The following TBC1D5 variants were observed in gnomAD, a reference collection of about 807,000 sequenced individuals.
TBC1D5 encodes the protein TBC1 domain family, member 5.
TBC1D5 carries 75 observed loss-of-function variants against 100.3 expected under a neutral mutation model. That is an observed-to-expected ratio of 0.75 (90% CI 0.62 to 0.91). The LOEUF (loss-of-function observed/expected upper bound fraction) is 0.91. Ranked by LOEUF, TBC1D5 falls within the 40% of genes least tolerant of loss-of-function variation. TBC1D5 has a pLI of 0.00. For missense variants in TBC1D5, 910 were observed against 942.4 expected (o/e 0.97, Z 0.45); for synonymous variants, 323 against 325.6 (o/e 0.99, Z 0.09).
rs188458631 is a variant in TBC1D5, at chr3:17,467,578, A to G, written c.98-39059T>C. On this transcript the variant is annotated intron_variant, in intron 3 of 21. Coordinates refer to ENST00000253692, the Ensembl canonical transcript of TBC1D5. ...AAAAGTTACATTTACTCAACACTAC[A>G]GAATGATGAATAATTAGACAATATT... Among the ~76,000 whole-genome samples the G allele has an allele frequency of 3.4e-4, 52 of 152,234 alleles. No individual in the cohort carries two copies. In the East Asian group the frequency reaches 8.5e-3, roughly 25 times the overall value.
At chr3:17,204,287 C>T (rs1039600817) in intron 18 of TBC1D5, among the ~76,000 whole-genome samples, 6 of 152,186 alleles carry the variant, frequency 3.9e-5, no homozygotes, top group Non-Finnish European at 7.3e-5. Flanking sequence ...AAGTCAAAGC[C>T]CTCTTTTCCT....
chr3:17,380,736 C>G (rs1427822740), intron 9 of TBC1D5, among the ~76,000 whole-genome samples: 1 of 152,016 alleles, frequency 6.6e-6, no homozygotes, highest in Admixed American at 6.6e-5. Flanking sequence ...TTTTATCTGC[C>G]TGTGTTCATT....
At chr3:17,428,505 T>A in exon 4 of TBC1D5, 1 of 1,511,144 alleles carries the variant, frequency 6.6e-7, no homozygotes, top group Non-Finnish European at 8.9e-7. Context: ...CTTCTTCCAT[T>A]TTTATTTGAA....
intron 3 of TBC1D5, among the ~76,000 whole-genome samples, chr3:17,440,549 C>A (rs1412185586): frequency 6.6e-6 from 1 of 152,138 alleles, no homozygotes; most frequent in Non-Finnish European, 1.5e-5. Flanking sequence ...CCCATGAGAT[C>A]TAGGCTGCAG....
intron 1 of TBC1D5, among the ~76,000 whole-genome samples, chr3:17,629,129 T>G (rs2063298281): frequency 6.6e-6 from 1 of 152,192 alleles, no homozygotes; most frequent in Non-Finnish European, 1.5e-5. Flanking sequence ...AAATATAGAA[T>G]AGAAAATCAT....
intron 3 of TBC1D5, among the ~76,000 whole-genome samples, chr3:17,476,139 TTTG>T (rs1260559867): frequency 1.3e-5 from 2 of 152,074 alleles, no homozygotes; most frequent in East Asian, 3.9e-4. Context: ...TAGACTGTGG[TTTG>T]TATTTTCACT....
At chr3:17,258,760 G>A (rs2077992193) in intron 15 of TBC1D5, among the ~76,000 whole-genome samples, 169 bp from the exon 16 acceptor site, 1 of 151,956 alleles carries the variant, frequency 6.6e-6, no homozygotes, top group South Asian at 2.1e-4. Context: ...CCTTACTTCT[G>A]ATTAAACACA....
chr3:17,704,496 G>A lies in TBC1D5; in HGVS notation c.-101+34847C>T, dbSNP rs1360785475. ...GGGCTCCTCACTTCCCAGTAGGGGC[G>A]GCCGGGCAGAGGCGCCCCTCACCTC... On this transcript the variant is annotated intron_variant, in intron 1 of 21. Coordinates refer to ENST00000253692, the Ensembl canonical transcript of TBC1D5. Among the ~76,000 whole-genome samples, 9 of 129,154 alleles carry A rather than the reference G, an allele frequency of 7.0e-5. No homozygotes were observed. In the East Asian group the frequency reaches 1.2e-3, roughly 17 times the overall value. 84.7% of individuals were successfully genotyped at this position (129,154 alleles called of 152,430 possible). A position where few individuals can be genotyped will look rare whatever the true frequency, so the allele number is the denominator to read the frequency against.
At chr3:17,470,882 C>G (rs1462747849) in intron 3 of TBC1D5, among the ~76,000 whole-genome samples, 2 of 152,120 alleles carry the variant, frequency 1.3e-5, no homozygotes, top group Admixed American at 6.5e-5. Flanking sequence ...GATCGCACCA[C>G]TGTACTCCAG....
chr3:17,611,254 A>G (rs2153618958), intron 2 of TBC1D5, among the ~76,000 whole-genome samples: 1 of 152,292 alleles, frequency 6.6e-6, no homozygotes, highest in South Asian at 2.1e-4. Context: ...AATGGATAGA[A>G]TATGGGCAGA....
chr3:17,415,169 T>C (rs2094033718), intron 4 of TBC1D5, among the ~76,000 whole-genome samples: 1 of 152,172 alleles, frequency 6.6e-6, no homozygotes. Context: ...TATTTATATA[T>C]TTTTTGAGAC....
chr3:17,219,690 C>T (rs76718329), intron 17 of TBC1D5, among the ~76,000 whole-genome samples: 39 of 152,078 alleles, frequency 2.6e-4, no homozygotes, highest in African/African-American at 9.2e-4. Context: ...ATTGTGCATC[C>T]TCCTGTGGTT....
intron 1 of TBC1D5, among the ~76,000 whole-genome samples, chr3:17,659,650 C>T (rs1349954505): frequency 6.6e-5 from 10 of 152,124 alleles, no homozygotes; most frequent in Admixed American, 6.5e-4. Flanking sequence ...CAGGAAAACA[C>T]AGCCTTTCAT....
chr3:17,189,915 T>C (rs190901369), intron 18 of TBC1D5, among the ~76,000 whole-genome samples: 6 of 152,382 alleles, frequency 3.9e-5, no homozygotes, highest in Admixed American at 3.9e-4. Flanking sequence ...TTTTGTTGTT[T>C]GTTGAATGAT....
At chr3:17,658,883 C>A (rs2066370993) in intron 1 of TBC1D5, among the ~76,000 whole-genome samples, 1 of 152,194 alleles carries the variant, frequency 6.6e-6, no homozygotes, top group Admixed American at 6.5e-5. Context: ...AGGCTGGTCT[C>A]CTGATCTCAG....
intron 18 of TBC1D5, among the ~76,000 whole-genome samples, chr3:17,193,663 G>A (rs1414332337): frequency 6.6e-6 from 1 of 152,126 alleles, no homozygotes; most frequent in Non-Finnish European, 1.5e-5. Flanking sequence ...TACCTGATAA[G>A]GCAGAAATTC....
At chr3:17,387,868 T>C (rs1188434669) in intron 8 of TBC1D5, among the ~76,000 whole-genome samples, 1 of 151,508 alleles carries the variant, frequency 6.6e-6, no homozygotes, top group Non-Finnish European at 1.5e-5. Context: ...AATTTAGAAT[T>C]AAAACTGTAG....
intron 1 of TBC1D5, among the ~76,000 whole-genome samples, chr3:17,643,166 GT>G (rs986155370): frequency 6.6e-6 from 1 of 151,882 alleles, no homozygotes; most frequent in African/African-American, 2.4e-5. Context: ...TTTTTTAAGA[GT>G]GCTAGTCCGT....
chr3:17,224,295 T>C (rs1032782172), intron 17 of TBC1D5, among the ~76,000 whole-genome samples: 2 of 152,236 alleles, frequency 1.3e-5, no homozygotes, highest in African/African-American at 2.4e-5. Flanking sequence ...ATCTGGAATA[T>C]CTGAAAATAA....
Sources: allele counts gnomAD v4.1 joint callset (sites outside exome capture counted in the v4.1 genomes callset), GRCh38; gene constraint gnomAD v4.1.1; transcripts MANE v1.5; gene names NCBI Gene and HGNC (gene_info 2026-07-23, HGNC 2026-07-21).